The following DDHD2 variants were observed in gnomAD, a reference collection of about 807,000 sequenced individuals.
The protein encoded by DDHD2 is triacylglycerol hydrolase DDHD2.
DDHD2 carries 62 observed loss-of-function variants against 91.2 expected under a neutral mutation model. The ratio of observed to expected loss-of-function variants is 0.68; its 90% CI spans 0.55 to 0.84. DDHD2 has a LOEUF of 0.84. Ranked by LOEUF, DDHD2 falls within the 40% of genes least tolerant of loss-of-function variation. The pLI, the probability that DDHD2 is intolerant of heterozygous loss-of-function variation, is 0.00. For synonymous variants in DDHD2, 271 were observed against 293.9 expected, an observed-to-expected ratio of 0.92 and a Z score of 0.80; for missense variants, 740 against 846.9, an observed-to-expected ratio of 0.87 and a Z score of 1.57.
At chr8:38,260,001 G>A in intron 16 of DDHD2, 39 bp from the exon 17 acceptor site, 1 of 1,297,886 alleles carries the variant, frequency 7.7e-7, no homozygotes, top group Non-Finnish European at 1.1e-6. Context: ...TGGCACAAGT[G>A]TTAGTTCCTT....
rs773992438 is a variant in DDHD2, at chr8:38,252,286, C to T, written c.1616C>T (p.Pro539Leu). The change falls in exon 13 of 18, where the codon CCT becomes CTT. Residue 539 changes from proline to leucine, a missense_variant and splice_region_variant. Coordinates refer to ENST00000397166, the MANE Select transcript of DDHD2 (RefSeq NM_015214.3). ...TCKGFFNIYH[P>L]FDPVAYRIEP... ...AAAGGTTTCTTCAATATTTATCACC[C>T]TGTAAGCATTGTACAGCTATTGTGG... The T allele has an allele frequency of 6.2e-7, 1 of 1,610,546 alleles. No homozygotes were observed. The highest frequency in any genetic ancestry group is 8.5e-7 in the Non-Finnish European group (1 of 1,178,806).
Position 38,242,293 on chromosome 8 carries a change from T to C in DDHD2, c.756T>C (p.His252=), listed in dbSNP as rs772317385. The C allele has an allele frequency of 5.0e-6, 8 of 1,604,888 alleles. No individual in the cohort carries two copies. Among genetic ancestry groups the C allele is most frequent in the Non-Finnish European group, 6.8e-6 (8 of 1,177,702 alleles). Residue 252 remains histidine, a synonymous_variant, in exon 7 of 18, where the codon CAT becomes CAC. Transcript: ENST00000397166. The part of the protein sequence containing the change: ...RSVSLNLLQT[H]FKKAQENQQI... Reference sequence around the variant, plus strand: ...TTTCCTTGAACTTGCTACAGACACATTTTAAGAAAGCCCAAGAAAATCAGC... The same window carrying C: ...TTTCCTTGAACTTGCTACAGACACACTTTAAGAAAGCCCAAGAAAATCAGC...
Position 38,253,043 on chromosome 8 carries a change from A to G in DDHD2, c.1807A>G (p.Arg603Gly), listed in dbSNP as rs1806234877. Residue 603 changes from arginine to glycine, a missense_variant, in exon 15 of 18, where the codon AGA becomes GGA. Transcript: ENST00000397166. The stretch of plus-strand genomic sequence containing the variant: ...GCGGATGGCCTGGAAGTCTTTTACC[A>G]GAGCTCCATACCCTGCCTTACAAGC... ...SLRMAWKSFT[R>G]APYPALQASE... 6.2e-7 allele frequency: 1 copy of G among 1,614,154 alleles called. No individual in the cohort carries two copies. Among genetic ancestry groups the G allele is most frequent in the Non-Finnish European group, 8.5e-7 (1 of 1,180,018 alleles).
chr8:38,255,490 GCAAT>G (rs1234628889), intron 16 of DDHD2, among the ~76,000 whole-genome samples: 4 of 152,038 alleles, frequency 2.6e-5, no homozygotes, highest in Non-Finnish European at 4.4e-5. Context: ...TTTGTTTCTT[GCAAT>G]CAGTTTCTTC....
intron 5 of DDHD2, among the ~76,000 whole-genome samples, chr8:38,239,512 C>A (rs972236537): frequency 6.6e-6 from 1 of 150,536 alleles, no homozygotes; most frequent in Admixed American, 6.6e-5. Context: ...GGTGAAACAC[C>A]CTGTCTCTAC....
intron 14 of DDHD2, 63 bp from the exon 15 acceptor site, chr8:38,252,894 T>C: frequency 6.2e-7 from 1 of 1,606,778 alleles, no homozygotes; most frequent in Non-Finnish European, 8.5e-7. Context: ...TTCACTCTGT[T>C]CAGCTATGTT....
chr8:38,234,408 G>T lies in DDHD2; in HGVS notation c.235G>T (p.Gly79Trp). 1 of 1,584,448 alleles carries T rather than the reference G, an allele frequency of 6.3e-7. No individual in the cohort carries two copies. Among genetic ancestry groups the T allele is most frequent in the Non-Finnish European group, 8.5e-7 (1 of 1,171,298 alleles). Residue 79 changes from glycine (G) to tryptophan (W), a missense_variant, in exon 3 of 18, where the codon GGG becomes TGG. Gly to Trp is a radical substitution (Grantham distance 184). Transcript: ENST00000397166. ...ATCCTTGAAAGGAAAAGGTTGTAATGGGAGAGTTGTTCCTACTGATGGGGG... is the reference window on the plus strand; with the variant it reads ...ATCCTTGAAAGGAAAAGGTTGTAATTGGAGAGTTGTTCCTACTGATGGGGG... ...EAYSSGKGCNGRVVPTDGGRY... is the reference protein window; with the variant it reads ...EAYSSGKGCNWRVVPTDGGRY...
In DDHD2 at chr8:38,242,373, C is replaced by T. The variant is rs775733478; in HGVS notation, c.836C>T (p.Thr279Ile). The change falls in exon 7 of 18, where the codon ACT (threonine) becomes ATT (isoleucine). Residue 279 changes from threonine (T) to isoleucine (I), a missense_variant. Transcript: ENST00000397166. ...AACTGGCACAGTCCTTTGCATTCTA[C>T]TGGTGTGGATGTGTGAGTAATACTT... ...PVNWHSPLHSTGVDVDLQRIT... is the reference protein window; with the variant it reads ...PVNWHSPLHSIGVDVDLQRIT... The T allele has an allele frequency of 1.9e-6, 3 of 1,610,964 alleles. No homozygotes were observed. The highest frequency in any genetic ancestry group is 1.7e-5 in the Admixed American group (1 of 59,088).
In DDHD2 at chr8:38,256,423, G is replaced by T. The variant is rs113124443; in HGVS notation, c.2054+2705G>T. 1.3e-4 allele frequency among the ~76,000 whole-genome samples: 20 copies of T among 151,980 alleles called. No homozygotes were observed. In the South Asian group the frequency reaches 1.5e-3, roughly 11 times the overall value. On this transcript the variant is annotated intron_variant, in intron 16 of 17. Transcript: ENST00000397166. ...CTCAAGGGATCCTCTTAGGCTCAAGGGATCCTCCCATCTCAGCCTCCCAAG... is the reference window on the plus strand; with the variant it reads ...CTCAAGGGATCCTCTTAGGCTCAAGTGATCCTCCCATCTCAGCCTCCCAAG...
In DDHD2 at chr8:38,261,358, C is replaced by T. The variant is rs909022653; in HGVS notation, c.*785C>T. ...TTTGATAGAAGTTATTTGCTAATAG[C>T]TTCTATTCTTACGTTGAAAATAGTT... On this transcript the variant is annotated 3_prime_UTR_variant, in exon 18 of 18. Coordinates refer to ENST00000397166, the MANE Select transcript of DDHD2 (RefSeq NM_015214.3). The T allele has an allele frequency of 6.6e-6, 1 of 152,150 alleles. No individual in the cohort carries two copies. The highest frequency in any genetic ancestry group is 2.4e-5 in the African/African-American group (1 of 41,432). 9.4% of individuals were successfully genotyped at this position (152,150 alleles called of 1,614,324 possible).
chr8:38,232,736 C>A (rs774515223), intron 1 of DDHD2, among the ~76,000 whole-genome samples: 1 of 152,180 alleles, frequency 6.6e-6, no homozygotes, highest in Non-Finnish European at 1.5e-5. Flanking sequence ...AACTTATGGA[C>A]TGAGTAAAAT....
At chr8:38,269,443 G>A (rs570119535) in intron 1 of DDHD2, among the ~76,000 whole-genome samples, 2 of 152,216 alleles carry the variant, frequency 1.3e-5, no homozygotes, top group Non-Finnish European at 2.9e-5. Flanking sequence ...TCGGCGTACG[G>A]TCCATCATCA....
chr8:38,267,460 CATT>C, downstream of DDHD2: 1 of 1,574,740 alleles, frequency 6.4e-7, no homozygotes, highest in Non-Finnish European at 8.6e-7. Flanking sequence ...TTGTAGCAGA[CATT>C]AATAATCCTG....
downstream of DDHD2, chr8:38,264,808 T>C: frequency 6.5e-7 from 1 of 1,543,000 alleles, no homozygotes; most frequent in Non-Finnish European, 8.7e-7. Flanking sequence ...GGTTGCTTTC[T>C]GAACACCAAA....
intron 16 of DDHD2, among the ~76,000 whole-genome samples, chr8:38,258,348 G>A (rs1224305392): frequency 6.6e-6 from 1 of 151,824 alleles, no homozygotes; most frequent in East Asian, 1.9e-4. Flanking sequence ...CGCCATCTGG[G>A]TTCAAATGAT....
intron 2 of DDHD2, 109 bp from the exon 3 acceptor site, chr8:38,234,285 C>T (rs1804524847): frequency 1.3e-6 from 1 of 780,454 alleles, no homozygotes; most frequent in African/African-American, 1.8e-5. Context: ...CAAGTAGGAA[C>T]TTTTCATTCA....
At chr8:38,268,777 T>C in intron 1 of DDHD2, 1 of 1,436,714 alleles carries the variant, frequency 7.0e-7, no homozygotes, top group Non-Finnish European at 9.1e-7. Context: ...AGCAGCGGAG[T>C]GGGCAGTGGG....
chr8:38,268,188 C>A, intron 1 of DDHD2: 1 of 1,146,104 alleles, frequency 8.7e-7, no homozygotes, highest in Non-Finnish European at 1.2e-6. Flanking sequence ...AGGCACAGGG[C>A]TGCCTGCCGT....
chr8:38,240,226 A>G, intron 5 of DDHD2, 49 bp from the exon 6 acceptor site: 1 of 1,120,954 alleles, frequency 8.9e-7, no homozygotes, highest in East Asian at 2.6e-5. Flanking sequence ...TGATATTAGA[A>G]TACATGACTA....
Sources: allele counts gnomAD v4.1 joint callset (sites outside exome capture counted in the v4.1 genomes callset), GRCh38; gene constraint gnomAD v4.1.1; transcripts MANE v1.5; gene names NCBI Gene and HGNC (gene_info 2026-07-23, HGNC 2026-07-21).